Variants in ARHGAP21 observed in about 807,000 individuals in gnomAD.
ARHGAP21 encodes the protein Rho GTPase activating protein 21.
Under a neutral mutation model 164.6 loss-of-function variants are expected in ARHGAP21, and 38 were observed. The observed-to-expected ratio is 0.23, with a 90% CI of 0.18 to 0.30. The LOEUF (loss-of-function observed/expected upper bound fraction) is 0.30, where lower values mean the gene tolerates loss of function less well. ARHGAP21 is among the 10% of genes least tolerant of loss of function. The pLI, the probability that ARHGAP21 is intolerant of heterozygous loss-of-function variation, is 1.00. For missense variants in ARHGAP21, 1,822 were observed against 2,370.7 expected (o/e 0.77, Z 4.81); for synonymous variants, 766 against 857.9 (o/e 0.89, Z 1.87).
intron 9 of ARHGAP21, among the ~76,000 whole-genome samples, chr10:24,618,062 C>T (rs1243558959): frequency 3.3e-5 from 5 of 152,066 alleles, no homozygotes; most frequent in African/African-American, 1.2e-4. Context: ...ACTTACTATG[C>T]GATTTTAGAG....
chr10:24,660,066 A>T (rs187291704), intron 4 of ARHGAP21, among the ~76,000 whole-genome samples: 1 of 152,150 alleles, frequency 6.6e-6, no homozygotes. Context: ...CATCTTCATC[A>T]TCATCATTAT....
chr10:24,663,920 C>A (rs574437012), intron 4 of ARHGAP21, among the ~76,000 whole-genome samples: 2 of 152,186 alleles, frequency 1.3e-5, no homozygotes, highest in East Asian at 1.9e-4. Flanking sequence ...TATACTCCCC[C>A]TCTCCCAACT....
At chr10:24,707,408 T>C (rs1844343342) in intron 2 of ARHGAP21, among the ~76,000 whole-genome samples, 1 of 152,214 alleles carries the variant, frequency 6.6e-6, no homozygotes, top group East Asian at 1.9e-4. Context: ...CAGAATTCTA[T>C]CCTTGACCTC....
intron 16 of ARHGAP21, 27 bp from the exon 17 acceptor site, chr10:24,596,909 A>G: frequency 6.3e-7 from 1 of 1,580,886 alleles, no homozygotes; most frequent in East Asian, 2.3e-5. Context: ...AAAATAAAAC[A>G]ACATAATAAA....
intron 4 of ARHGAP21, among the ~76,000 whole-genome samples, chr10:24,649,581 C>G (rs1837947671): frequency 6.6e-6 from 1 of 152,098 alleles, no homozygotes; most frequent in African/African-American, 2.4e-5. Context: ...TTTAGGCTAA[C>G]TCAGGTAACA....
chr10:24,717,659 G>A (rs770866040), intron 2 of ARHGAP21, among the ~76,000 whole-genome samples: 3 of 152,178 alleles, frequency 2.0e-5, no homozygotes, highest in Non-Finnish European at 4.4e-5. Flanking sequence ...TAACAAGTGA[G>A]ACAGAAGCGC....
chr10:24,619,421 A>C (rs1834321359), intron 9 of ARHGAP21, 52 bp downstream of exon 9: 7 of 1,511,802 alleles, frequency 4.6e-6, no homozygotes, highest in Non-Finnish European at 6.3e-6. Context: ...ACTTTTCTGG[A>C]AAGATTTCTT....
At chr10:24,676,747 G>A (rs1468264749) in intron 2 of ARHGAP21, among the ~76,000 whole-genome samples, 1 of 152,168 alleles carries the variant, frequency 6.6e-6, no homozygotes, top group African/African-American at 2.4e-5. Context: ...CACTAACTCT[G>A]GCTCTGCCAT....
At chr10:24,712,059 C>A (rs1844884056) in intron 2 of ARHGAP21, among the ~76,000 whole-genome samples, 1 of 152,100 alleles carries the variant, frequency 6.6e-6, no homozygotes, top group African/African-American at 2.4e-5. Context: ...GAATTACAGG[C>A]ATGCACCACT....
In ARHGAP21 at chr10:24,694,820, G is replaced by A. The variant is rs191282285; in HGVS notation, c.64-24423C>T. 6.6e-5 allele frequency among the ~76,000 whole-genome samples: 10 copies of A among 152,220 alleles called. No individual in the cohort carries two copies. In the South Asian group the frequency reaches 1.7e-3, roughly 25 times the overall value. Reference sequence around the variant, plus strand: ...TAATCCCAGCACTTTGGGAGGCTGAGGCAGACAGATCACCTGAGCTCAGGA... The same window carrying A: ...TAATCCCAGCACTTTGGGAGGCTGAAGCAGACAGATCACCTGAGCTCAGGA... On this transcript the variant is annotated intron_variant, in intron 2 of 25. Transcript: ENST00000396432.
rs750666176 is a variant in ARHGAP21, at chr10:24,596,898, CAAAAT to C, written c.3335-21_3335-17del. ...CTGGTATCATCTTTTGATTGCCAGTCAAAATAAAACAACATAATAAAATGGAAATG... is the reference window on the plus strand; with the variant it reads ...CTGGTATCATCTTTTGATTGCCAGTCAAAACAACATAATAAAATGGAAATG... On this transcript the variant is annotated splice_polypyrimidine_tract_variant and intron_variant, in intron 16 of 25. Transcript: ENST00000396432. 17 of 1,582,582 alleles carry C rather than the reference CAAAAT, an allele frequency of 1.1e-5. No homozygotes were observed. The highest frequency in any genetic ancestry group is 6.9e-5 in the East Asian group (3 of 43,648).
intron 2 of ARHGAP21, among the ~76,000 whole-genome samples, chr10:24,689,848 ATATATG>A (rs1231770634): frequency 3.8e-4 from 55 of 145,182 alleles, no homozygotes; most frequent in African/African-American, 1.2e-3. Flanking sequence ...ATATATATGT[ATATATG>A]TATATGTATG....
intron 9 of ARHGAP21, among the ~76,000 whole-genome samples, chr10:24,615,589 C>T (rs1487466120): frequency 6.6e-6 from 1 of 152,186 alleles, no homozygotes; most frequent in Non-Finnish European, 1.5e-5. Context: ...ATGAAATTTG[C>T]AGCCAACAGG....
chr10:24,629,690 C>T (rs1593093183), intron 7 of ARHGAP21: 1 of 328,786 alleles, frequency 3.0e-6, no homozygotes, highest in South Asian at 3.3e-5. Flanking sequence ...ACTCTAAACT[C>T]TTCCTTTGGT....
chr10:24,586,276 A>G (rs1255419624), intron 25 of ARHGAP21, among the ~76,000 whole-genome samples, 170 bp from the exon 26 acceptor site: 1 of 152,166 alleles, frequency 6.6e-6, no homozygotes, highest in Non-Finnish European at 1.5e-5. Flanking sequence ...CTTGAACCAA[A>G]GTCAAATTTT....
chr10:24,622,582 T>C, intron 8 of ARHGAP21, 151 bp downstream of exon 8: 1 of 762,160 alleles, frequency 1.3e-6, no homozygotes, highest in Non-Finnish European at 2.0e-6. Context: ...GCAAACCATC[T>C]ATCACAAACG....
chr10:24,608,686 T>C (rs1335666928), intron 9 of ARHGAP21, among the ~76,000 whole-genome samples: 1 of 152,230 alleles, frequency 6.6e-6, no homozygotes, highest in Non-Finnish European at 1.5e-5. Flanking sequence ...AGAGGACTGA[T>C]AATGTTACAA....
chr10:24,710,169 C>G (rs1365669217), intron 2 of ARHGAP21, among the ~76,000 whole-genome samples: 1 of 152,062 alleles, frequency 6.6e-6, no homozygotes, highest in Non-Finnish European at 1.5e-5. Flanking sequence ...TAAGCTACAG[C>G]TAGGGAGAAT....
Position 24,584,619 on chromosome 10 carries a change from C to T in ARHGAP21, c.5670G>A (p.Leu1890=), listed in dbSNP as rs778249031. 6.2e-7 allele frequency: 1 copy of T among 1,613,956 alleles called. No homozygotes were observed. Among genetic ancestry groups the T allele is most frequent in the South Asian group, 1.1e-5 (1 of 91,072 alleles). Residue 1890 remains leucine (L), a synonymous_variant, in exon 26 of 26, where the codon TTG becomes TTA. Transcript: ENST00000396432. ...TREIATTDTP[L]SLHCNTGSSS... Reference sequence around the variant, plus strand: ...AACTGCCTGTGTTGCAATGAAGAGACAAAGGTGTGTCGGTCGTGGCTATTT... The same window carrying T: ...AACTGCCTGTGTTGCAATGAAGAGATAAAGGTGTGTCGGTCGTGGCTATTT...
Sources: gnomAD v4.1 joint callset for allele counts (sites outside exome capture counted in the v4.1 genomes callset) on GRCh38, gnomAD v4.1.1 for gene constraint, MANE v1.5 for transcripts, NCBI Gene and HGNC (gene_info 2026-07-23, HGNC 2026-07-21) for gene names.